The following CAPRIN1 variants were observed in gnomAD, a reference collection of about 807,000 sequenced individuals.
The protein encoded by CAPRIN1 is caprin-1.
CAPRIN1 carries 29 observed loss-of-function variants against 100.9 expected under a neutral mutation model. The observed-to-expected ratio is 0.29, with a 90% CI of 0.21 to 0.39. The LOEUF is 0.39. Ranked by LOEUF, CAPRIN1 falls within the 10% of genes least tolerant of loss-of-function variation. The pLI is 1.00. For missense variants in CAPRIN1, 795 were observed against 876.7 expected (o/e 0.91, Z 1.18); for synonymous variants, 338 against 307.5 (o/e 1.10, Z -1.04).
chr11:34,076,672 A>G (rs751538323), intron 6 of CAPRIN1, 30 bp downstream of exon 6: 7 of 1,398,664 alleles, frequency 5.0e-6, no homozygotes, highest in Non-Finnish European at 5.0e-6. Flanking sequence ...CTTTGATTTT[A>G]TAACTAGGAA....
intron 4 of CAPRIN1, among the ~76,000 whole-genome samples, chr11:34,075,668 G>C (rs1358846236): frequency 1.3e-5 from 2 of 152,188 alleles, no homozygotes; most frequent in Non-Finnish European, 2.9e-5. Context: ...CTCAAAGTTA[G>C]AACTTTGGGT....
In CAPRIN1 at chr11:34,100,492, A is replaced by G. The variant is rs1395162889; in HGVS notation, c.*1125A>G. On this transcript the variant is annotated 3_prime_UTR_variant, in exon 19 of 19. Transcript: ENST00000341394. ...CTGATGGTATAAGCAAAACAAATAA[A>G]ACGTTTATAAAAGTTGTATCTTGAA... 4.6e-5 allele frequency: 7 copies of G among 152,188 alleles called. No homozygotes were observed. Among genetic ancestry groups the G allele is most frequent in the Non-Finnish European group, 8.8e-5 (6 of 68,032 alleles). 9.4% of individuals were successfully genotyped at this position (152,188 alleles called of 1,614,324 possible).
intron 2 of CAPRIN1, among the ~76,000 whole-genome samples, chr11:34,066,561 T>C (rs1474387074): frequency 6.6e-6 from 1 of 151,972 alleles, no homozygotes; most frequent in Non-Finnish European, 1.5e-5. Context: ...CTCGAACTCC[T>C]GACCTTGTGA....
intron 2 of CAPRIN1, among the ~76,000 whole-genome samples, chr11:34,064,702 T>G (rs1850651631): frequency 6.6e-6 from 1 of 152,224 alleles, no homozygotes; most frequent in Admixed American, 6.5e-5. Context: ...GAATGCAAGA[T>G]TTAACAAAAG....
chr11:34,055,470 G>A (rs1384610759), intron 2 of CAPRIN1, among the ~76,000 whole-genome samples: 1 of 152,162 alleles, frequency 6.6e-6, no homozygotes, highest in Non-Finnish European at 1.5e-5. Context: ...TGGGGTTACA[G>A]GCACCTGCCA....
chr11:34,063,968 A>G (rs1850633225), intron 2 of CAPRIN1, among the ~76,000 whole-genome samples: 1 of 152,140 alleles, frequency 6.6e-6, no homozygotes, highest in Non-Finnish European at 1.5e-5. Context: ...GGGTTTCTCC[A>G]TGTTGGTCAG....
rs770391108 is a variant in CAPRIN1, at chr11:34,052,488, C to T, written c.68C>T (p.Ser23Phe). Residue 23 changes from serine to phenylalanine, a missense_variant, in exon 2 of 19, where the codon TCC (serine) becomes TTC (phenylalanine). Ser to Phe is a radical substitution (Grantham distance 155). Around this residue, in one of 3 missense-constraint regions of CAPRIN1, gnomAD observed 109 missense variants for 86.6 expected, o/e 1.26. Transcript: ENST00000341394. ...TCCGGACCGCCACCGCCGTCGGGTT[C>T]CTCCGGGAGTGAGGCGGCCGCGGGA... ...KSSGPPPPSG[S>F]SGSEAAAGAG... is the part of the protein sequence containing the mutation. 7 of 1,606,840 alleles carry T rather than the reference C, an allele frequency of 4.4e-6. No homozygotes were observed. Among genetic ancestry groups the T allele is most frequent in the Admixed American group, 1.7e-5 (1 of 59,194 alleles).
intron 2 of CAPRIN1, among the ~76,000 whole-genome samples, chr11:34,067,421 A>G (rs1330391293): frequency 6.6e-6 from 1 of 152,182 alleles, no homozygotes; most frequent in East Asian, 1.9e-4. Context: ...GGATTGAAAC[A>G]TGAGAAATAT....
chr11:34,080,303 C>G (rs915037289), intron 7 of CAPRIN1, among the ~76,000 whole-genome samples: 4 of 152,148 alleles, frequency 2.6e-5, no homozygotes, highest in African/African-American at 9.7e-5. Context: ...ATTTGTCTTA[C>G]TAGTCTTGAT....
At chr11:34,078,511 C>G (rs1367806595) in intron 6 of CAPRIN1, among the ~76,000 whole-genome samples, 2 of 152,150 alleles carry the variant, frequency 1.3e-5, no homozygotes, top group Non-Finnish European at 2.9e-5. Flanking sequence ...TTTTTCTCTT[C>G]TACTTTTATA....
chr11:34,074,365 T>C (rs1213345719), intron 4 of CAPRIN1, among the ~76,000 whole-genome samples: 2 of 152,226 alleles, frequency 1.3e-5, no homozygotes, highest in Non-Finnish European at 2.9e-5. Flanking sequence ...AGAGCTGTTA[T>C]TTATCTTTGA....
At chr11:34,052,312 A>G in intron 1 of CAPRIN1, 109 bp from the exon 2 acceptor site, 3 of 913,896 alleles carry the variant, frequency 3.3e-6, no homozygotes, top group Non-Finnish European at 5.0e-6. Flanking sequence ...CCGCTCGCGT[A>G]GGCTACCGCT....
At chr11:34,065,816 G>C (rs1850678421) in intron 2 of CAPRIN1, among the ~76,000 whole-genome samples, 1 of 152,164 alleles carries the variant, frequency 6.6e-6, no homozygotes, top group Non-Finnish European at 1.5e-5. Flanking sequence ...CTGTTTCTTA[G>C]AAACTTTGAT....
At chr11:34,052,953 G>C in intron 2 of CAPRIN1, 1 of 1,200,366 alleles carries the variant, frequency 8.3e-7, no homozygotes, top group Non-Finnish European at 1.0e-6. Flanking sequence ...CTGTCGTCAG[G>C]ACTTCACTGT....
chr11:34,100,530 A>G lies in CAPRIN1; in HGVS notation c.*1163A>G, dbSNP rs975908624. ...GTTGTATCTTGAAACACTGGTGTTC[A>G]ACAGCTAGCAGCTTATGTGATTCAC... is the stretch of plus-strand genomic sequence containing the variant. On this transcript the variant is annotated 3_prime_UTR_variant, in exon 19 of 19. Transcript: ENST00000341394. 8 of 152,220 alleles carry G rather than the reference A, an allele frequency of 5.3e-5. No individual in the cohort carries two copies. Among genetic ancestry groups the G allele is most frequent in the Non-Finnish European group, 1.0e-4 (7 of 68,024 alleles). The allele number at this position is 152,220 out of a possible 1,614,324, so 9.4% of individuals were successfully genotyped here.
At chr11:34,053,307 C>G (rs564621959) in intron 2 of CAPRIN1, 14 of 247,912 alleles carry the variant, frequency 5.6e-5, no homozygotes, top group Non-Finnish European at 7.7e-5. Flanking sequence ...TCCCCCCGAG[C>G]CTCAGGCTCA....
chr11:34,089,327 A>G, intron 11 of CAPRIN1, 68 bp from the exon 12 acceptor site: 1 of 473,986 alleles, frequency 2.1e-6, no homozygotes, highest in Non-Finnish European at 3.7e-6. Context: ...GCGAAATAAA[A>G]GGTATTTAGA....
chr11:34,091,841 G>A, intron 14 of CAPRIN1, 65 bp from the exon 15 acceptor site: 3 of 1,455,006 alleles, frequency 2.1e-6, no homozygotes, highest in Non-Finnish European at 2.8e-6. Flanking sequence ...CCACCATTGA[G>A]TTTGGCCATG....
At chr11:34,079,438 A>T (rs1298735298) in intron 6 of CAPRIN1, among the ~76,000 whole-genome samples, 190 bp from the exon 7 acceptor site, 1 of 152,064 alleles carries the variant, frequency 6.6e-6, no homozygotes, top group Non-Finnish European at 1.5e-5. Context: ...GTTTAATATA[A>T]CTACATTCTT....
Sources: allele counts gnomAD v4.1 joint callset (sites outside exome capture counted in the v4.1 genomes callset), GRCh38; gene constraint gnomAD v4.1.1; regional missense constraint gnomAD v4.1.1; transcripts MANE v1.5; gene names NCBI Gene and HGNC (gene_info 2026-07-23, HGNC 2026-07-21).